The following VAMP7 variants were observed in gnomAD, a reference collection of about 807,000 sequenced individuals.
VAMP7 encodes vesicle associated membrane protein 7, also known as vesicle-associated membrane protein 7.
VAMP7 carries 14 observed loss-of-function variants against 29.6 expected under a neutral mutation model. The observed-to-expected ratio is 0.47, with a 90% confidence interval of 0.31 to 0.74. The LOEUF is 0.74. Ranked by LOEUF, VAMP7 falls within the 30% of genes least tolerant of loss-of-function variation. The pLI, the probability that VAMP7 is intolerant of heterozygous loss-of-function variation, is 0.05. For missense variants in VAMP7, 223 were observed against 262.4 expected (o/e 0.85, Z 1.04); for synonymous variants, 95 against 88.1 (o/e 1.08, Z -0.44).
intron 6 of VAMP7, among the ~76,000 whole-genome samples, chrX:155,921,718 T>C (rs1335891749): frequency 6.6e-6 from 1 of 152,138 alleles, no homozygotes. Flanking sequence ...TATAACTTAA[T>C]AGAATTCTTG....
At chrX:155,903,081 TC>T (rs2066091455) in intron 5 of VAMP7, among the ~76,000 whole-genome samples, 2 of 152,102 alleles carry the variant, frequency 1.3e-5, no homozygotes, top group Non-Finnish European at 2.9e-5. Flanking sequence ...TTCAACTTCT[TC>T]CTGGTTTAGT....
intron 6 of VAMP7, among the ~76,000 whole-genome samples, chrX:155,923,000 T>A (rs761934565): frequency 6.6e-6 from 1 of 151,964 alleles, no homozygotes; most frequent in Non-Finnish European, 1.5e-5. Context: ...TGCTTTAGGG[T>A]TTACAGTATG....
chrX:155,896,801 A>G (rs1337548163), intron 3 of VAMP7, among the ~76,000 whole-genome samples: 1 of 152,182 alleles, frequency 6.6e-6, no homozygotes, highest in Non-Finnish European at 1.5e-5. Flanking sequence ...TGGTTGCCAT[A>G]GATCAGGGTT....
At chrX:155,916,446 AGTG>A (rs1177317697) in intron 5 of VAMP7, among the ~76,000 whole-genome samples, 1 of 152,262 alleles carries the variant, frequency 6.6e-6, no homozygotes, top group African/African-American at 2.4e-5. Context: ...GTTTCTTCAT[AGTG>A]TTGATGGTCT....
At chrX:155,906,438 TCCATTGTGATAGCCTTGAC>T (rs1200423306) in intron 5 of VAMP7, among the ~76,000 whole-genome samples, 1 of 152,220 alleles carries the variant, frequency 6.6e-6, no homozygotes, top group African/African-American at 2.4e-5. Context: ...ATCTCTCCCC[TCCATTGTGATAGCCTTGAC>T]CCCTATTGCA....
chrX:155,924,622 G>A (rs1284400505), intron 6 of VAMP7, among the ~76,000 whole-genome samples: 1 of 152,122 alleles, frequency 6.6e-6, no homozygotes, highest in East Asian at 1.9e-4. Context: ...ACAATCACCT[G>A]AGCCTTCAGT....
intron 7 of VAMP7, 54 bp downstream of exon 7, chrX:155,939,847 A>G: frequency 7.3e-7 from 1 of 1,364,282 alleles, no homozygotes; most frequent in Non-Finnish European, 1.0e-6. Flanking sequence ...CTAAGAAATT[A>G]GGTACTAGAA....
At chrX:155,930,312 A>T in intron 6 of VAMP7, among the ~76,000 whole-genome samples, 1 of 152,208 alleles carries the variant, frequency 6.6e-6, no homozygotes, top group Non-Finnish European at 1.5e-5. Context: ...CCTAAATCAC[A>T]TTGTTACTAT....
At chrX:155,935,935 G>T (rs1455955295) in intron 6 of VAMP7, among the ~76,000 whole-genome samples, 2 of 152,128 alleles carry the variant, frequency 1.3e-5, no homozygotes, top group African/African-American at 2.4e-5. Context: ...ACCCTCAGCT[G>T]CAGGTCTGTT....
chrX:155,900,011 C>G (rs2066039905), intron 4 of VAMP7, among the ~76,000 whole-genome samples: 1 of 151,948 alleles, frequency 6.6e-6, no homozygotes, highest in African/African-American at 2.4e-5. Flanking sequence ...CTGTGAGAAG[C>G]CAATAAAAAT....
At chrX:155,933,339 T>G (rs958387923) in intron 6 of VAMP7, among the ~76,000 whole-genome samples, 4 of 152,086 alleles carry the variant, frequency 2.6e-5, no homozygotes, top group Non-Finnish European at 4.4e-5. Flanking sequence ...GTCCTGGACT[T>G]TTTTTGGTTG....
chrX:155,906,876 A>G (rs1278650411), intron 5 of VAMP7, among the ~76,000 whole-genome samples: 2 of 152,098 alleles, frequency 1.3e-5, no homozygotes, highest in African/African-American at 2.4e-5. Flanking sequence ...AGTGGACATC[A>G]TTGTCTTATT....
intron 6 of VAMP7, among the ~76,000 whole-genome samples, chrX:155,933,473 T>A (rs1305965932): frequency 6.6e-6 from 1 of 152,188 alleles, no homozygotes; most frequent in African/African-American, 2.4e-5. Context: ...TCTTCTAGAT[T>A]TTCTAGTTTA....
chrX:155,932,558 C>A (rs190032192), intron 6 of VAMP7, among the ~76,000 whole-genome samples: 3 of 151,844 alleles, frequency 2.0e-5, no homozygotes, highest in Non-Finnish European at 2.9e-5. Flanking sequence ...ACGTTGATTT[C>A]GTATCAAGAC....
chrX:155,894,301 GTT>G (rs1195549080), intron 2 of VAMP7, among the ~76,000 whole-genome samples: 20 of 64,900 alleles, frequency 3.1e-4, no homozygotes, highest in African/African-American at 8.5e-4. Context: ...TGTGTCCTTT[GTT>G]TTTTTTTTTT....
chrX:155,908,861 A>T (rs1569441893), intron 5 of VAMP7, among the ~76,000 whole-genome samples: 1 of 151,736 alleles, frequency 6.6e-6, no homozygotes, highest in African/African-American at 2.4e-5. Flanking sequence ...GATCCTCTCT[A>T]ATTCCTCTTT....
intron 5 of VAMP7, among the ~76,000 whole-genome samples, chrX:155,907,407 A>G (rs936225818): frequency 6.6e-6 from 1 of 152,036 alleles, no homozygotes; most frequent in African/African-American, 2.4e-5. Flanking sequence ...TTTCCTAGGC[A>G]GAGGACCCTG....
At chrX:155,932,962 G>A (rs947023023) in intron 6 of VAMP7, among the ~76,000 whole-genome samples, 23 of 152,110 alleles carry the variant, frequency 1.5e-4, no homozygotes, top group African/African-American at 3.9e-4. Context: ...TGAGATGATC[G>A]TGTGTTTTTT....
intron 3 of VAMP7, among the ~76,000 whole-genome samples, 160 bp downstream of exon 3, chrX:155,895,840 A>G (rs888642770): frequency 6.6e-6 from 1 of 152,168 alleles, no homozygotes. Context: ...TGAGTGGCCT[A>G]TGAGCATTAC....
Sources: gnomAD v4.1 joint callset for allele counts (sites outside exome capture counted in the v4.1 genomes callset) on GRCh38, gnomAD v4.1.1 for gene constraint, MANE v1.5 for transcripts, NCBI Gene and HGNC (gene_info 2026-07-23, HGNC 2026-07-21) for gene names.